PTPRN2: variants seen among roughly 807,000 people sequenced by gnomAD.
The protein encoded by PTPRN2 is protein tyrosine phosphatase receptor type N2.
In PTPRN2, 74 loss-of-function variants were observed where a neutral mutation model predicts 118.8. The ratio of observed to expected loss-of-function variants is 0.62; its 90% CI spans 0.52 to 0.76. The LOEUF is 0.76. PTPRN2 is among the 30% of genes least tolerant of loss of function. PTPRN2 has a pLI of 0.00. For synonymous variants in PTPRN2, 641 were observed against 608.0 expected (o/e 1.05, Z -0.80); for missense variants, 1,481 against 1,394.4 (o/e 1.06, Z -0.99).
intron 2 of PTPRN2, among the ~76,000 whole-genome samples, chr7:158,466,207 C>T (rs1369764255): frequency 6.6e-6 from 1 of 152,118 alleles, no homozygotes; most frequent in Non-Finnish European, 1.5e-5. Flanking sequence ...GTAAACAATC[C>T]AATGTTGTTA....
chr7:158,149,661 AG>A, intron 6 of PTPRN2, among the ~76,000 whole-genome samples: 2 of 152,218 alleles, frequency 1.3e-5, no homozygotes, highest in South Asian at 4.1e-4. Context: ...AAAATGACCC[AG>A]GCGTGGTGGC....
At chr7:158,149,046 G>A (rs1376689231) in intron 6 of PTPRN2, among the ~76,000 whole-genome samples, 1 of 121,312 alleles carries the variant, frequency 8.2e-6, no homozygotes, top group Non-Finnish European at 1.7e-5. Context: ...CCCTCTCACT[G>A]ACACCCCATC....
chr7:157,895,993 G>C (rs1238621839), intron 12 of PTPRN2, among the ~76,000 whole-genome samples: 2 of 152,080 alleles, frequency 1.3e-5, no homozygotes, highest in East Asian at 3.9e-4. Context: ...GAAGGGGCCT[G>C]AGTGAAAGGG....
At chr7:158,457,343 C>T (rs1481727325) in intron 2 of PTPRN2, among the ~76,000 whole-genome samples, 2 of 152,230 alleles carry the variant, frequency 1.3e-5, no homozygotes, top group Non-Finnish European at 2.9e-5. Context: ...CTCAGCATCT[C>T]GGGTGCAATG....
intron 3 of PTPRN2, 40 bp from the exon 4 acceptor site, chr7:158,205,313 A>C: frequency 7.0e-7 from 1 of 1,435,754 alleles, no homozygotes. Flanking sequence ...ATCATTTTGG[A>C]AATTTAGCCA....
chr7:157,787,144 G>A lies in PTPRN2; in HGVS notation c.1789-104207C>T, dbSNP rs1433773797. On this transcript the variant is annotated intron_variant, in intron 12 of 22. Transcript: ENST00000389418. This position sits in a 1 kb window ranked among gnomAD's most constrained non-coding sequence, Gnocchi z 5.3. ...GCGGGGGACGCGGGGGTGGCTGCCC[G>A]GGAGGCGGACGCGGGTGCGGCGGGG... Among the ~76,000 whole-genome samples, 7 of 142,674 alleles carry A rather than the reference G, an allele frequency of 4.9e-5. No homozygotes were observed. In the East Asian group the frequency reaches 8.3e-4, roughly 17 times the overall value. 93.6% of individuals were successfully genotyped at this position (142,674 alleles called of 152,430 possible).
rs564026259 is a variant in PTPRN2, at chr7:158,364,345, G to A, written c.164-47413C>T. ...CCCATCCTCACTTCACCTGCCTCTC[G>A]CCATGCTTCCCCCAGCAGGGTATGC... On this transcript the variant is annotated intron_variant, in intron 2 of 22. Coordinates refer to ENST00000389418, the MANE Select transcript of PTPRN2 (RefSeq NM_002847.5). 3.3e-3 allele frequency among the ~76,000 whole-genome samples: 370 copies of A among 113,496 alleles called. 3 individuals carry two copies. The highest frequency in any genetic ancestry group is 8.3e-3 in the Middle Eastern group (1 of 120). 74.5% of individuals were successfully genotyped at this position (113,496 alleles called of 152,430 possible). A position where few individuals can be genotyped will look rare whatever the true frequency, so the allele number is the denominator to read the frequency against.
intron 6 of PTPRN2, among the ~76,000 whole-genome samples, chr7:158,152,153 G>A (rs1821251112): frequency 1.6e-5 from 2 of 121,332 alleles, no homozygotes; most frequent in African/African-American, 6.7e-5. Flanking sequence ...CAGCCTGGGT[G>A]AAAGAGTGAG....
At chr7:158,206,573 G>A (rs989077374) in intron 3 of PTPRN2, among the ~76,000 whole-genome samples, 1 of 151,894 alleles carries the variant, frequency 6.6e-6, no homozygotes, top group Non-Finnish European at 1.5e-5. Context: ...GGGAGGGGGG[G>A]AGAGAGAGAG....
chr7:158,276,254 A>C (rs1798966643), intron 3 of PTPRN2, among the ~76,000 whole-genome samples: 6 of 18,322 alleles, frequency 3.3e-4, no homozygotes, highest in Admixed American at 6.3e-4. Context: ...TCCTGGTAGC[A>C]CCCCCACACT....
chr7:158,103,184 C>CGCATG (rs1554540483), intron 10 of PTPRN2, among the ~76,000 whole-genome samples: 2 of 152,200 alleles, frequency 1.3e-5, no homozygotes, highest in Non-Finnish European at 1.5e-5. Flanking sequence ...CCTCCCTGTG[C>CGCATG]GCATGGCCTG....
chr7:157,816,982 C>T (rs757592300), intron 12 of PTPRN2, among the ~76,000 whole-genome samples: 4 of 152,254 alleles, frequency 2.6e-5, no homozygotes, highest in Admixed American at 6.5e-5. Context: ...GGCTGCCGAC[C>T]ACATGCCTCT....
intron 12 of PTPRN2, among the ~76,000 whole-genome samples, chr7:157,883,567 A>G (rs1053321070): frequency 1.3e-5 from 2 of 150,516 alleles, no homozygotes; most frequent in East Asian, 4.0e-4. Context: ...AGAACAGAAC[A>G]CACCACCCCA....
intron 22 of PTPRN2, among the ~76,000 whole-genome samples, chr7:157,548,577 G>A (rs1397857262): frequency 6.6e-6 from 1 of 152,238 alleles, no homozygotes; most frequent in East Asian, 1.9e-4. Flanking sequence ...CCCCGGAGAG[G>A]CCGGGCAGCG....
chr7:157,872,326 C>T (rs2151264591), intron 12 of PTPRN2, among the ~76,000 whole-genome samples: 1 of 142,286 alleles, frequency 7.0e-6, no homozygotes, highest in African/African-American at 2.6e-5. Context: ...TCCCCACACA[C>T]CCATACCCAG....
intron 13 of PTPRN2, among the ~76,000 whole-genome samples, chr7:157,677,420 C>T (rs78758471): frequency 0.049 from 7,520 of 152,232 alleles, 310 homozygotes; most frequent in East Asian, 0.13. Context: ...TTTCTCTGGC[C>T]ACCTTTCGAG....
At chr7:158,071,652 A>G (rs867999542) in intron 11 of PTPRN2, among the ~76,000 whole-genome samples, 1,387 of 23,832 alleles carry the variant, frequency 0.058, 2 homozygotes, top group East Asian at 0.064. Context: ...GCTCGTGGTG[A>G]TGGAGGTGCT....
chr7:157,684,704 C>T (rs1797087724), intron 12 of PTPRN2, among the ~76,000 whole-genome samples: 1 of 151,764 alleles, frequency 6.6e-6, no homozygotes, highest in African/African-American at 2.4e-5. Flanking sequence ...ACCGGGTCTC[C>T]TGCGCGCCCC....
intron 12 of PTPRN2, chr7:157,739,034 C>T (rs1443125464): frequency 6.6e-6 from 1 of 152,168 alleles, no homozygotes; most frequent in Non-Finnish European, 1.5e-5. Context: ...ATCTTTATTC[C>T]AAGGAGCTTT....
Sources: gnomAD v4.1 joint callset for allele counts (sites outside exome capture counted in the v4.1 genomes callset) on GRCh38, gnomAD v4.1.1 for gene constraint, Gnocchi (gnomAD v3.1) non-coding constraint, MANE v1.5 for transcripts, NCBI Gene and HGNC (gene_info 2026-07-23, HGNC 2026-07-21) for gene names.